PTPRO: variants seen among roughly 807,000 people sequenced by gnomAD.
PTPRO encodes the protein protein tyrosine phosphatase receptor type O.
Under a neutral mutation model 145.2 loss-of-function variants are expected in PTPRO, and 62 were observed. The observed-to-expected ratio is 0.43, with a 90% CI of 0.35 to 0.53. The LOEUF (loss-of-function observed/expected upper bound fraction) is 0.53. Ranked by LOEUF, PTPRO falls within the 20% of genes least tolerant of loss-of-function variation. The pLI is 0.01. For missense variants in PTPRO, 1,345 were observed against 1,482.7 expected (o/e 0.91, Z 1.53); for synonymous variants, 565 against 514.7 (o/e 1.10, Z -1.32).
chr12:15,533,059 T>C (rs922767021), intron 12 of PTPRO, among the ~76,000 whole-genome samples: 75 of 152,170 alleles, frequency 4.9e-4, no homozygotes, highest in African/African-American at 1.7e-3. Flanking sequence ...CTCAGGAATA[T>C]GAGTCAAAGT....
intron 16 of PTPRO, 95 bp from the exon 17 acceptor site, chr12:15,560,098 C>A: frequency 1.1e-6 from 1 of 871,282 alleles, no homozygotes; most frequent in South Asian, 1.3e-5. Context: ...ATTAATTAAT[C>A]CCAATAGGTA....
chr12:15,373,969 T>C (rs1339892155), intron 1 of PTPRO, among the ~76,000 whole-genome samples: 2 of 152,198 alleles, frequency 1.3e-5, no homozygotes, highest in African/African-American at 2.4e-5. Context: ...AAGTTCATCA[T>C]ATTTTTTCAA....
intron 1 of PTPRO, among the ~76,000 whole-genome samples, chr12:15,458,515 C>A (rs369497852): frequency 5.3e-5 from 8 of 151,762 alleles, no homozygotes; most frequent in Admixed American, 3.3e-4. Flanking sequence ...CTTAAGTGAG[C>A]TTTTATCACT....
At chr12:15,579,378 A>G (rs989244873) in intron 20 of PTPRO, among the ~76,000 whole-genome samples, 1 of 152,228 alleles carries the variant, frequency 6.6e-6, no homozygotes, top group Non-Finnish European at 1.5e-5. Flanking sequence ...GCATTCAAGG[A>G]AAAAAAGGTA....
intron 17 of PTPRO, among the ~76,000 whole-genome samples, chr12:15,561,241 G>GA (rs955474127): frequency 7.3e-5 from 11 of 151,530 alleles, no homozygotes; most frequent in East Asian, 1.9e-4. Flanking sequence ...TCATAGACTG[G>GA]AAAAAAAATA....
chr12:15,592,229 C>A (rs1944568717), intron 25 of PTPRO, among the ~76,000 whole-genome samples: 1 of 152,272 alleles, frequency 6.6e-6, no homozygotes, highest in South Asian at 2.1e-4. Flanking sequence ...CATTCAAATT[C>A]TGCTGCCAGG....
At chr12:15,432,950 T>C (rs1001678431) in intron 1 of PTPRO, among the ~76,000 whole-genome samples, 2 of 152,198 alleles carry the variant, frequency 1.3e-5, no homozygotes, top group African/African-American at 4.8e-5. Context: ...CTGTAGGTTG[T>C]CAGTTTACTC....
chr12:15,456,250 C>T (rs253799), intron 1 of PTPRO, among the ~76,000 whole-genome samples: 4,789 of 152,146 alleles, frequency 0.031, 276 homozygotes, highest in African/African-American at 0.11. Flanking sequence ...ACCCTTTATT[C>T]TATTAACATG....
intron 25 of PTPRO, among the ~76,000 whole-genome samples, chr12:15,592,984 T>C: frequency 6.6e-6 from 1 of 152,194 alleles, no homozygotes; most frequent in East Asian, 1.9e-4. Flanking sequence ...TATTTACTTT[T>C]CTTGTGGTCT....
intron 1 of PTPRO, among the ~76,000 whole-genome samples, chr12:15,416,820 C>T (rs1939993888): frequency 6.6e-6 from 1 of 151,164 alleles, no homozygotes; most frequent in Admixed American, 6.6e-5. Context: ...ACTTGGGATC[C>T]CAGGCCTTCC....
At chr12:15,503,695 C>T (rs566290395) in intron 5 of PTPRO, among the ~76,000 whole-genome samples, 1 of 151,984 alleles carries the variant, frequency 6.6e-6, no homozygotes, top group African/African-American at 2.4e-5. Context: ...ATTTGAATGC[C>T]GTATTTGAGT....
At chr12:15,449,053 G>A (rs1172689005) in intron 1 of PTPRO, among the ~76,000 whole-genome samples, 7 of 151,360 alleles carry the variant, frequency 4.6e-5, no homozygotes, top group Non-Finnish European at 1.0e-4. Context: ...CGCAAATAGG[G>A]CATCCCCCAG....
intron 1 of PTPRO, among the ~76,000 whole-genome samples, chr12:15,375,944 C>A (rs1313545503): frequency 1.3e-5 from 2 of 151,970 alleles, no homozygotes; most frequent in African/African-American, 4.8e-5. Context: ...ACTGAGATTA[C>A]CTAGTCAGAA....
At chr12:15,580,256 G>A (rs1045776454) in intron 21 of PTPRO, 141 bp downstream of exon 21, 35 of 688,144 alleles carry the variant, frequency 5.1e-5, no homozygotes, top group South Asian at 2.0e-4. Context: ...GCATTACTCC[G>A]TTTCATAATA....
chr12:15,337,823 C>A (rs1308865016), intron 1 of PTPRO, among the ~76,000 whole-genome samples: 1 of 152,146 alleles, frequency 6.6e-6, no homozygotes, highest in Non-Finnish European at 1.5e-5. Context: ...CTCAAAAGGT[C>A]TCATTCTGTA....
chr12:15,422,441 T>C (rs553374875), intron 1 of PTPRO, among the ~76,000 whole-genome samples: 1 of 152,238 alleles, frequency 6.6e-6, no homozygotes, highest in East Asian at 1.9e-4. Flanking sequence ...TTCTCCATAA[T>C]TGAGTGCCAA....
chr12:15,512,126 G>A (rs1257396897), intron 7 of PTPRO, among the ~76,000 whole-genome samples: 4 of 151,716 alleles, frequency 2.6e-5, no homozygotes, highest in African/African-American at 9.7e-5. Flanking sequence ...TTTTTGGGGG[G>A]GTTATTGAGA....
Position 15,562,316 on chromosome 12 carries a change from T to C in PTPRO, c.2711+2040T>C, listed in dbSNP as rs1002783792. Among the ~76,000 whole-genome samples the C allele has an allele frequency of 3.9e-5, 6 of 152,182 alleles. No homozygotes were observed. The East Asian group carries it at 7.7e-4, about 20-fold the overall frequency. ...TTGTGGTTATTTTCCCCTGCTTTCA[T>C]TGGCTAAAGAGTCATTTTTAATCCT... is the stretch of plus-strand genomic sequence containing the variant. On this transcript the variant is annotated intron_variant, in intron 17 of 26. Transcript: ENST00000281171.
At chr12:15,516,635 A>AGGGAGGGAGGG in intron 8 of PTPRO, 128 bp from the exon 9 acceptor site, 1 of 684,424 alleles carries the variant, frequency 1.5e-6, no homozygotes, top group Non-Finnish European at 2.5e-6. Context: ...GGAAGGAAGG[A>AGGGAGGGAGGG]AGGGAGGGAG....
Sources: gnomAD v4.1 joint callset for allele counts (sites outside exome capture counted in the v4.1 genomes callset) on GRCh38, gnomAD v4.1.1 for gene constraint, MANE v1.5 for transcripts, NCBI Gene and HGNC (gene_info 2026-07-23, HGNC 2026-07-21) for gene names.